Variants in MAPKAP1 observed in about 807,000 individuals in gnomAD.
MAPKAP1 encodes the protein MAPK associated protein 1.
A neutral mutation model predicts 65.7 loss-of-function variants in MAPKAP1; 20 were observed. The ratio of observed to expected loss-of-function variants is 0.30; its 90% CI spans 0.21 to 0.44. The LOEUF (loss-of-function observed/expected upper bound fraction) is 0.44. MAPKAP1 is among the 20% of genes least tolerant of loss of function. The pLI is 1.00. For missense variants in MAPKAP1, 423 were observed against 648.0 expected (o/e 0.65, Z 3.77); for synonymous variants, 222 against 244.3 (o/e 0.91, Z 0.85).
chr9:125,471,034 G>A (rs1319143028), intron 9 of MAPKAP1: 1 of 152,110 alleles, frequency 6.6e-6, no homozygotes, highest in Non-Finnish European at 1.5e-5. Context: ...AACCTGTAGG[G>A]GAATCTTTCC....
rs762453430 is a variant in MAPKAP1 at position 125,543,172 on chromosome 9, T to C, written c.849-4A>G. On this transcript the variant is annotated splice_region_variant and splice_polypyrimidine_tract_variant and intron_variant, in intron 6 of 11. Coordinates refer to ENST00000265960, the MANE Select transcript of MAPKAP1 (RefSeq NM_001006617.3). ...GGAGAATCCATGAGCAGCATTTCTG[T>C]AGGAAAAGACAAATATTAAATCATC... 6.3e-6 allele frequency: 10 copies of C among 1,582,306 alleles called. No homozygotes were observed. Among genetic ancestry groups the C allele is most frequent in the South Asian group, 4.4e-5 (4 of 90,366 alleles).
chr9:125,653,266 C>A (rs1367352116), intron 4 of MAPKAP1, among the ~76,000 whole-genome samples: 1 of 152,092 alleles, frequency 6.6e-6, no homozygotes, highest in Non-Finnish European at 1.5e-5. Flanking sequence ...ATTTATTTAA[C>A]CGAAATTTTA....
At chr9:125,556,994 A>T (rs1830754832) in intron 6 of MAPKAP1, among the ~76,000 whole-genome samples, 1 of 152,244 alleles carries the variant, frequency 6.6e-6, no homozygotes, top group South Asian at 2.1e-4. Context: ...CACTCCAGAC[A>T]CATCAAATAA....
intron 10 of MAPKAP1, among the ~76,000 whole-genome samples, chr9:125,459,242 C>T (rs1282640701): frequency 6.6e-6 from 1 of 150,902 alleles, no homozygotes; most frequent in Non-Finnish European, 1.5e-5. Context: ...AGGCTCCTCA[C>T]TTCCTAGATG....
chr9:125,629,664 C>T (rs1833217998), intron 4 of MAPKAP1, among the ~76,000 whole-genome samples: 1 of 152,268 alleles, frequency 6.6e-6, no homozygotes, highest in Middle Eastern at 3.4e-3. Context: ...TTTTGCAAGA[C>T]TGAAGTTTGA....
chr9:125,545,970 C>T (rs1397554257), intron 6 of MAPKAP1, among the ~76,000 whole-genome samples: 1 of 152,196 alleles, frequency 6.6e-6, no homozygotes, highest in African/African-American at 2.4e-5. Flanking sequence ...TATGTATCAC[C>T]ATGCTACACC....
At chr9:125,507,097 G>A (rs1348766561) in intron 7 of MAPKAP1, among the ~76,000 whole-genome samples, 5 of 152,150 alleles carry the variant, frequency 3.3e-5, no homozygotes, top group Admixed American at 1.3e-4. Context: ...ATGAAAACAC[G>A]AGACACAGGT....
intron 1 of MAPKAP1, among the ~76,000 whole-genome samples, chr9:125,695,181 T>C (rs970394898): frequency 6.6e-6 from 1 of 152,216 alleles, no homozygotes; most frequent in African/African-American, 2.4e-5. Context: ...TTGTAAACTG[T>C]TTCTCAGGTA....
chr9:125,529,139 ACTCCAGCCTG>A (rs1829861440), intron 7 of MAPKAP1, among the ~76,000 whole-genome samples: 1 of 148,688 alleles, frequency 6.7e-6, no homozygotes, highest in East Asian at 1.9e-4. Flanking sequence ...GCACCATTGC[ACTCCAGCCTG>A]GGCAAAATGA....
intron 11 of MAPKAP1, 124 bp downstream of exon 11, chr9:125,444,377 C>T: frequency 1.4e-6 from 1 of 732,728 alleles, no homozygotes. Context: ...TCCTCCTCTG[C>T]CAAACTGGGC....
rs562242803 is a variant in MAPKAP1 at position 125,605,575 on chromosome 9, C to A, written c.499-19848G>T. Among the ~76,000 whole-genome samples the A allele has an allele frequency of 1.6e-4, 25 of 152,318 alleles. 1 individual carries two copies. Among genetic ancestry groups the A allele is most frequent in the African/African-American group, 6.0e-4 (25 of 41,562 alleles). ...CTGCCATCTGAAGCTCACAGAAGGG[C>A]AGGAGTGGTACCGCACGGCCGCATC... On this transcript the variant is annotated intron_variant, in intron 4 of 11. Coordinates refer to ENST00000265960, the MANE Select transcript of MAPKAP1 (RefSeq NM_001006617.3).
intron 4 of MAPKAP1, among the ~76,000 whole-genome samples, chr9:125,598,772 G>A (rs1832214512): frequency 1.3e-5 from 2 of 152,110 alleles, no homozygotes; most frequent in African/African-American, 4.8e-5. Flanking sequence ...CGGCGCAGTA[G>A]CTCACACCTG....
At chr9:125,689,390 T>TCC (rs1835090478) in intron 1 of MAPKAP1, among the ~76,000 whole-genome samples, 1 of 122,616 alleles carries the variant, frequency 8.2e-6, no homozygotes, top group African/African-American at 3.2e-5. Context: ...TGAGCCGAGA[T>TCC]CGCCACTGCA....
At chr9:125,449,308 T>C (rs1180739870) in intron 10 of MAPKAP1, among the ~76,000 whole-genome samples, 2 of 152,184 alleles carry the variant, frequency 1.3e-5, no homozygotes, top group Non-Finnish European at 2.9e-5. Flanking sequence ...ATCTCTTATA[T>C]GTCACATACA....
At chr9:125,552,288 G>A (rs1450133551) in intron 6 of MAPKAP1, among the ~76,000 whole-genome samples, 1 of 152,178 alleles carries the variant, frequency 6.6e-6, no homozygotes, top group East Asian at 1.9e-4. Context: ...ACTCTATCCA[G>A]GGGATTCCTG....
chr9:125,690,244 C>T (rs774822038), intron 1 of MAPKAP1, among the ~76,000 whole-genome samples: 2 of 152,140 alleles, frequency 1.3e-5, no homozygotes, highest in Admixed American at 6.5e-5. Flanking sequence ...AGAGAGCTGG[C>T]AATTAAACCA....
intron 10 of MAPKAP1, among the ~76,000 whole-genome samples, chr9:125,449,418 G>A (rs2132939929): frequency 6.6e-6 from 1 of 152,156 alleles, no homozygotes; most frequent in Admixed American, 6.5e-5. Context: ...TTTTTAATTG[G>A]GCCTCCTTTG....
At chr9:125,528,645 G>A (rs7873261) in intron 7 of MAPKAP1, among the ~76,000 whole-genome samples, 4,054 of 150,366 alleles carry the variant, frequency 0.027, 76 homozygotes, top group African/African-American at 0.054. Flanking sequence ...TCAGGAGTTC[G>A]AGACCAGCCT....
At chr9:125,694,456 A>G (rs1835324610) in intron 1 of MAPKAP1, among the ~76,000 whole-genome samples, 1 of 152,224 alleles carries the variant, frequency 6.6e-6, no homozygotes, top group Non-Finnish European at 1.5e-5. Flanking sequence ...TACGATCAAA[A>G]GAAGCTAAAC....
Sources: gnomAD v4.1 joint callset for allele counts (sites outside exome capture counted in the v4.1 genomes callset) on GRCh38, gnomAD v4.1.1 for gene constraint, MANE v1.5 for transcripts, NCBI Gene and HGNC (gene_info 2026-07-23, HGNC 2026-07-21) for gene names.